The following FOXP2 variants were observed in gnomAD, a reference collection of about 807,000 sequenced individuals.
The protein encoded by FOXP2 is forkhead box P2.
A neutral mutation model predicts 115.8 loss-of-function variants in FOXP2; 12 were observed. The ratio of observed to expected loss-of-function variants is 0.10; its 90% confidence interval spans 0.07 to 0.17. The LOEUF is 0.17. Ranked by LOEUF, FOXP2 falls within the 10% of genes least tolerant of loss-of-function variation. The pLI is 1.00. For missense variants in FOXP2, 629 were observed against 843.5 expected, an observed-to-expected ratio of 0.75 and a Z score of 3.15; for synonymous variants, 328 against 297.7, an observed-to-expected ratio of 1.10 and a Z score of -1.05.
intron 8 of FOXP2, among the ~76,000 whole-genome samples, chr7:114,647,803 T>C (rs764745304): frequency 6.6e-5 from 10 of 152,038 alleles, no homozygotes; most frequent in African/African-American, 1.9e-4. Context: ...TATAGATGAA[T>C]TGACTTTTAG....
At chr7:114,093,954 A>G (rs540516796) in intron 1 of FOXP2, among the ~76,000 whole-genome samples, 2 of 152,240 alleles carry the variant, frequency 1.3e-5, no homozygotes, top group South Asian at 4.1e-4. Context: ...CCTTAACATG[A>G]ATAGAATTAA....
chr7:114,369,534 TA>T (rs557419747), intron 2 of FOXP2, among the ~76,000 whole-genome samples: 12 of 146,834 alleles, frequency 8.2e-5, no homozygotes, highest in South Asian at 2.1e-4. Context: ...TAAACACTGC[TA>T]AAAAAAAAAG....
intron 1 of FOXP2, among the ~76,000 whole-genome samples, chr7:114,234,093 T>G (rs1452610868): frequency 1.3e-5 from 2 of 152,204 alleles, no homozygotes; most frequent in Non-Finnish European, 2.9e-5. Context: ...TTTTCTTCCC[T>G]CTCTTGCCCA....
At chr7:114,524,722 C>A (rs1409825922) in intron 2 of FOXP2, among the ~76,000 whole-genome samples, 2 of 152,050 alleles carry the variant, frequency 1.3e-5, no homozygotes, top group Non-Finnish European at 2.9e-5. Flanking sequence ...TTTTACTGAA[C>A]CCTTATAGTC....
intron 3 of FOXP2, among the ~76,000 whole-genome samples, chr7:114,550,107 C>CTTTTCT (rs1562992543): frequency 1.7e-5 from 2 of 118,016 alleles, no homozygotes; most frequent in Non-Finnish European, 3.5e-5. Context: ...ATCTTCCTTT[C>CTTTTCT]TTTTCTTTTT....
intron 3 of FOXP2, among the ~76,000 whole-genome samples, chr7:114,581,075 G>GCACA (rs3028257): frequency 0.47 from 67,737 of 144,528 alleles, 16,460 homozygotes; most frequent in East Asian, 0.86. Flanking sequence ...ATAAACACAT[G>GCACA]CACACACACA....
chr7:114,206,166 C>T (rs1057398669), intron 1 of FOXP2, among the ~76,000 whole-genome samples: 4 of 152,074 alleles, frequency 2.6e-5, no homozygotes, highest in Non-Finnish European at 5.9e-5. Flanking sequence ...GTCAAGTCTC[C>T]CCAGGACAGA....
intron 2 of FOXP2, among the ~76,000 whole-genome samples, chr7:114,506,498 A>T (rs1325081547): frequency 6.6e-6 from 1 of 151,638 alleles, no homozygotes; most frequent in East Asian, 1.9e-4. Context: ...TTAATCATGG[A>T]TTATCAAATT....
At chr7:114,509,123 G>A (rs928131664) in intron 2 of FOXP2, among the ~76,000 whole-genome samples, 32 of 152,180 alleles carry the variant, frequency 2.1e-4, no homozygotes, top group Admixed American at 9.2e-4. Flanking sequence ...CTGGAGCAGA[G>A]TGAGCAAAGG....
At chr7:114,267,728 AAAAT>A (rs200341220) in intron 1 of FOXP2, among the ~76,000 whole-genome samples, 92,615 of 131,520 alleles carry the variant, frequency 0.7, 33,686 homozygotes, top group Non-Finnish European at 0.79. Context: ...CTCCATCTCA[AAAAT>A]AAATAAATAA....
rs35683793 is a variant in FOXP2, at chr7:114,330,482, T to TTA, written c.-11+42387_-11+42388dup. Among the ~76,000 whole-genome samples, 669 of 145,888 alleles carry TTA rather than the reference T, an allele frequency of 4.6e-3. 9 individuals carry two copies. The highest frequency in any genetic ancestry group is 0.014 in the African/African-American group (546 of 40,072). ...ATCTTGTCTCTAAAAAAAAAAAAGT[T>TTA]TATATATATATATATGTGTATATAT... On this transcript the variant is annotated intron_variant, in intron 2 of 17. Transcript: ENST00000634411.
Position 114,105,366 on chromosome 7 carries a change from A to G in FOXP2, c.-247+17528A>G, listed in dbSNP as rs113393422. Among the ~76,000 whole-genome samples, 192 of 152,184 alleles carry G rather than the reference A, an allele frequency of 1.3e-3. 2 individuals are homozygous for G. The highest frequency in any genetic ancestry group is 4.8e-3 in the South Asian group (23 of 4,830). On this transcript the variant is annotated intron_variant, in intron 1 of 19. Coordinates refer to the FOXP2 transcript ENST00000635638. ...ATATTGAAGTCTAGACAGCTTTCCA[A>G]AGTTTGTCAGTTGGCTGTTTGGAAT...
intron 1 of FOXP2, among the ~76,000 whole-genome samples, chr7:114,099,769 G>A (rs1214717159): frequency 2.0e-5 from 3 of 152,156 alleles, no homozygotes; most frequent in Non-Finnish European, 2.9e-5. Flanking sequence ...TGTGGGAATG[G>A]GGCTTGGGGA....
intron 3 of FOXP2, chr7:114,561,347 A>G (rs1441272243): frequency 2.0e-5 from 3 of 152,178 alleles, no homozygotes; most frequent in Admixed American, 6.5e-5. Flanking sequence ...AGGAAACTCA[A>G]GACAATAGAA....
At chr7:114,577,796 A>G (rs1387890438) in intron 3 of FOXP2, among the ~76,000 whole-genome samples, 1 of 151,972 alleles carries the variant, frequency 6.6e-6, no homozygotes, top group Non-Finnish European at 1.5e-5. Flanking sequence ...AGAATTTTAT[A>G]TGTAGAATAT....
At chr7:114,310,609 T>C (rs1284651436) in intron 2 of FOXP2, among the ~76,000 whole-genome samples, 1 of 151,810 alleles carries the variant, frequency 6.6e-6, no homozygotes, top group East Asian at 1.9e-4. Context: ...GGCATCAGAG[T>C]TTCTAGTTGA....
chr7:114,132,582 T>TGTGTGTGTGTGA (rs1554419465), intron 1 of FOXP2, among the ~76,000 whole-genome samples: 3 of 55,996 alleles, frequency 5.4e-5, no homozygotes, highest in African/African-American at 2.4e-4. Context: ...TGTGTGTGTG[T>TGTGTGTGTGTGA]GAGAGAGAGA....
At chr7:114,204,438 G>C (rs4730628) in intron 1 of FOXP2, among the ~76,000 whole-genome samples, 129,808 of 152,076 alleles carry the variant, frequency 0.85, 56,134 homozygotes, top group Admixed American at 0.93. Context: ...TGTAGAAAAA[G>C]TCTGAGAACT....
chr7:114,475,613 T>C (rs1796222457), intron 2 of FOXP2, among the ~76,000 whole-genome samples: 1 of 152,010 alleles, frequency 6.6e-6, no homozygotes, highest in African/African-American at 2.4e-5. Flanking sequence ...TGAAGAGAGA[T>C]GTCCTTGGTG....
Sources: allele counts gnomAD v4.1 joint callset (sites outside exome capture counted in the v4.1 genomes callset), GRCh38; gene constraint gnomAD v4.1.1; transcripts MANE v1.5; gene names NCBI Gene and HGNC (gene_info 2026-07-23, HGNC 2026-07-21).